TECPR2: variants seen among roughly 807,000 people sequenced by gnomAD.
TECPR2 encodes tectonin beta-propeller repeat-containing protein 2.
A neutral mutation model predicts 138.1 loss-of-function variants in TECPR2; 65 were observed. The observed-to-expected ratio is 0.47, with a 90% CI of 0.39 to 0.58. The LOEUF (loss-of-function observed/expected upper bound fraction) is 0.58, where lower values mean the gene tolerates loss of function less well. Ranked by LOEUF, TECPR2 falls within the 20% of genes least tolerant of loss-of-function variation. The pLI is 0.00. For missense variants in TECPR2, 1,553 were observed against 1,824.5 expected (o/e 0.85, Z 2.71); for synonymous variants, 746 against 749.8 (o/e 0.99, Z 0.08).
chr14:102,411,229 C>A (rs1156418991), intron 4 of TECPR2, among the ~76,000 whole-genome samples: 1 of 152,272 alleles, frequency 6.6e-6, no homozygotes, highest in South Asian at 2.1e-4. Context: ...AAATTTTTGC[C>A]GCCCCAACAT....
chr14:102,424,293 A>G (rs1889258010), intron 5 of TECPR2, among the ~76,000 whole-genome samples: 1 of 152,168 alleles, frequency 6.6e-6, no homozygotes, highest in Non-Finnish European at 1.5e-5. Flanking sequence ...ATCTTATGGG[A>G]CCACTGTTGT....
chr14:102,457,730 A>G (rs1384944798), intron 16 of TECPR2, among the ~76,000 whole-genome samples: 1 of 152,086 alleles, frequency 6.6e-6, no homozygotes, highest in Non-Finnish European at 1.5e-5. Context: ...AATATTTGTT[A>G]AAGTCAACAG....
At chr14:102,439,665 A>G (rs1404549480) in intron 10 of TECPR2, among the ~76,000 whole-genome samples, 2 of 152,188 alleles carry the variant, frequency 1.3e-5, no homozygotes, top group Non-Finnish European at 2.9e-5. Flanking sequence ...TCACCTGCTC[A>G]GTTGAGGCGT....
At chr14:102,442,615 A>T (rs1167549723) in intron 11 of TECPR2, among the ~76,000 whole-genome samples, 1 of 152,212 alleles carries the variant, frequency 6.6e-6, no homozygotes, top group East Asian at 1.9e-4. Context: ...GTGATTTCAC[A>T]TGAGGTGGCC....
rs1404869888 is a variant in TECPR2 at position 102,487,826 on chromosome 14, C to T, written c.3790-9153C>T. 6.6e-5 allele frequency among the ~76,000 whole-genome samples: 10 copies of T among 151,736 alleles called. No homozygotes were observed. In the East Asian group the frequency reaches 1.5e-3, roughly 24 times the overall value. On this transcript the variant is annotated intron_variant, in intron 17 of 19. Coordinates refer to ENST00000359520, the MANE Select transcript of TECPR2 (RefSeq NM_014844.5). Reference sequence around the variant, plus strand: ...AAACTGCTGGGATTACAGGCGTGAGCCACCACGCCCGGCCTGTTTGTTTTT... The same window carrying T: ...AAACTGCTGGGATTACAGGCGTGAGTCACCACGCCCGGCCTGTTTGTTTTT...
At chr14:102,489,093 G>A in intron 17 of TECPR2, among the ~76,000 whole-genome samples, 1 of 151,564 alleles carries the variant, frequency 6.6e-6, no homozygotes, top group East Asian at 2.0e-4. Flanking sequence ...TGTTGGCCAG[G>A]CTGGTCTCAA....
intron 5 of TECPR2, among the ~76,000 whole-genome samples, chr14:102,416,156 T>C (rs764065842): frequency 2.2e-4 from 34 of 152,284 alleles, no homozygotes; most frequent in Non-Finnish European, 4.0e-4. Context: ...AGTTTTGCTC[T>C]TCTTGCCCAG....
At chr14:102,417,677 G>C (rs1303545571) in intron 5 of TECPR2, among the ~76,000 whole-genome samples, 2 of 152,228 alleles carry the variant, frequency 1.3e-5, no homozygotes, top group African/African-American at 2.4e-5. Flanking sequence ...AGCCAGAAGT[G>C]ACTAGGGCAC....
chr14:102,449,992 G>A, intron 14 of TECPR2, 123 bp downstream of exon 14: 1 of 1,401,742 alleles, frequency 7.1e-7, no homozygotes, highest in South Asian at 1.4e-5. Context: ...GGTATGAAGT[G>A]TCTAGTGGAG....
In TECPR2 at chr14:102,376,850, C is replaced by T; in HGVS notation, c.129C>T (p.Thr43=). Reference sequence around the variant, plus strand: ...TGGTCTATCTCACGGCCCTCGACACCAACGGGGACTACATCGCGGTGGGCA... The same window carrying T: ...TGGTCTATCTCACGGCCCTCGACACTAACGGGGACTACATCGCGGTGGGCA... ...SIVVYLTALD[T]NGDYIAVGSS... Residue 43 remains threonine, a synonymous_variant, in exon 2 of 20, where the codon ACC becomes ACT. Coordinates refer to ENST00000359520, the MANE Select transcript of TECPR2 (RefSeq NM_014844.5). The T allele has an allele frequency of 6.2e-7, 1 of 1,614,164 alleles. No individual in the cohort carries two copies.
rs2064741744 is a variant in TECPR2, at chr14:102,434,426, G to A, written c.1609G>A (p.Val537Ile). 1 of 1,532,394 alleles carries A rather than the reference G, an allele frequency of 6.5e-7. No homozygotes were observed. The highest frequency in any genetic ancestry group is 8.8e-7 in the Non-Finnish European group (1 of 1,141,814). 94.9% of individuals were successfully genotyped at this position (1,532,394 alleles called of 1,614,324 possible). A position where few individuals can be genotyped will look rare whatever the true frequency, so the allele number is the denominator to read the frequency against. ...CAGCTTCAATGGTGAAGTGAACGGTGTCCCACAGGAAAATACTGACCCCGA... is the reference window on the plus strand; with the variant it reads ...CAGCTTCAATGGTGAAGTGAACGGTATCCCACAGGAAAATACTGACCCCGA... ...ESSFNGEVNG[V>I]PQENTDPETF... The change falls in exon 9 of 20, where the codon GTC becomes ATC. Residue 537 changes from valine to isoleucine, a missense_variant. Val to Ile is a conservative substitution (Grantham distance 29). Coordinates refer to ENST00000359520, the MANE Select transcript of TECPR2 (RefSeq NM_014844.5).
intron 17 of TECPR2, among the ~76,000 whole-genome samples, chr14:102,477,205 A>G (rs189715240): frequency 6.6e-6 from 1 of 152,244 alleles, no homozygotes; most frequent in Admixed American, 6.5e-5. Flanking sequence ...CCCCGTCTCT[A>G]TTAAAACTAC....
intron 4 of TECPR2, among the ~76,000 whole-genome samples, chr14:102,410,336 G>A (rs980777559): frequency 7.1e-6 from 1 of 140,010 alleles, no homozygotes; most frequent in African/African-American, 2.7e-5. Context: ...AAGGCCGCAG[G>A]GTCCTCTGCC....
intron 19 of TECPR2, 79 bp from the exon 20 acceptor site, chr14:102,498,023 GC>G: frequency 6.7e-7 from 1 of 1,502,890 alleles, no homozygotes. Flanking sequence ...CCAGACCTGC[GC>G]CCAAGCTCCC....
chr14:102,438,969 C>T (rs1595126671), intron 10 of TECPR2, among the ~76,000 whole-genome samples: 1 of 151,174 alleles, frequency 6.6e-6, no homozygotes, highest in East Asian at 1.9e-4. Flanking sequence ...TCGCACTATT[C>T]TCCTGCCTCA....
At position 102,419,889 on chromosome 14, in the gene TECPR2, C is replaced by T. The variant is rs1018786724; in HGVS notation, c.639-5090C>T. 3.3e-5 allele frequency among the ~76,000 whole-genome samples: 5 copies of T among 152,178 alleles called. No homozygotes were observed. The East Asian group carries it at 5.8e-4, about 18-fold the overall frequency. ...TTTGCCCTGGGGAAGGAGAAGGAGA[C>T]GCAGCAATCTGTAGGTGTGGCGCCC... On this transcript the variant is annotated intron_variant, in intron 5 of 19. Coordinates refer to ENST00000359520, the MANE Select transcript of TECPR2 (RefSeq NM_014844.5). The surrounding 1 kb of genome is among the most constrained non-coding windows in gnomAD (Gnocchi z 4.8).
chr14:102,428,228 T>TTG, intron 6 of TECPR2, 22 bp from the exon 7 acceptor site: 1 of 1,316,514 alleles, frequency 7.6e-7, no homozygotes, highest in Non-Finnish European at 9.8e-7. Context: ...TTTTGTTTTT[T>TTG]TTTTTTTTTT....
intron 18 of TECPR2, 117 bp from the exon 19 acceptor site, chr14:102,497,453 C>A: frequency 7.6e-7 from 1 of 1,319,722 alleles, no homozygotes; most frequent in Non-Finnish European, 9.9e-7. Context: ...CCATCATGGG[C>A]ACTCCGTCCC....
chr14:102,369,280 C>T (rs901111210), intron 1 of TECPR2, among the ~76,000 whole-genome samples: 2 of 152,002 alleles, frequency 1.3e-5, no homozygotes, highest in African/African-American at 2.4e-5. Context: ...GTAGAGCCTG[C>T]GAGCTGTCAG....
Sources: gnomAD v4.1 joint callset for allele counts (sites outside exome capture counted in the v4.1 genomes callset) on GRCh38, gnomAD v4.1.1 for gene constraint, Gnocchi (gnomAD v3.1) non-coding constraint, MANE v1.5 for transcripts, NCBI Gene and HGNC (gene_info 2026-07-23, HGNC 2026-07-21) for gene names.